The following LRMDA variants were observed in gnomAD, a reference collection of about 807,000 sequenced individuals.
LRMDA encodes leucine-rich melanocyte differentiation-associated protein.
In LRMDA, 18 loss-of-function variants were observed where a neutral mutation model predicts 29.8. The observed-to-expected ratio is 0.60, with a 90% confidence interval of 0.42 to 0.90. The LOEUF (loss-of-function observed/expected upper bound fraction) is 0.90, where lower values mean the gene tolerates loss of function less well. Ranked by LOEUF, LRMDA falls within the 40% of genes least tolerant of loss-of-function variation. LRMDA has a pLI of 0.00. For synonymous variants in LRMDA, 125 were observed against 109.4 expected (o/e 1.14, Z -0.89); for missense variants, 273 against 273.9 (o/e 1.00, Z 0.02).
chr10:75,497,460 TA>T (rs1364723265), intron 2 of LRMDA, among the ~76,000 whole-genome samples: 1 of 151,904 alleles, frequency 6.6e-6, no homozygotes, highest in Non-Finnish European at 1.5e-5. Context: ...TAGAGTTCGA[TA>T]TTTTTTTTTT....
chr10:75,885,101 G>A (rs1204333070), intron 2 of LRMDA, among the ~76,000 whole-genome samples: 1 of 151,862 alleles, frequency 6.6e-6, no homozygotes, highest in African/African-American at 2.4e-5. Flanking sequence ...GGGGATGACA[G>A]TAGTTCGGGA....
At chr10:76,332,193 C>T (rs1024149669) in intron 6 of LRMDA, among the ~76,000 whole-genome samples, 19 of 152,154 alleles carry the variant, frequency 1.2e-4, no homozygotes, top group African/African-American at 3.6e-4. Flanking sequence ...TGTGTGCACT[C>T]GCTGTCTGCG....
chr10:76,205,513 G>T (rs1199037285), intron 5 of LRMDA, among the ~76,000 whole-genome samples: 1 of 152,142 alleles, frequency 6.6e-6, no homozygotes, highest in African/African-American at 2.4e-5. Flanking sequence ...TCTACCTTGA[G>T]GCTCAGCTAC....
chr10:76,085,171 A>G (rs1041088745), intron 5 of LRMDA, among the ~76,000 whole-genome samples: 1 of 152,198 alleles, frequency 6.6e-6, no homozygotes, highest in Non-Finnish European at 1.5e-5. Context: ...AACCCCACCA[A>G]TGACAGAGAC....
intron 5 of LRMDA, among the ~76,000 whole-genome samples, chr10:76,213,823 C>CT (rs1307544386): frequency 1.3e-5 from 2 of 152,210 alleles, no homozygotes; most frequent in African/African-American, 2.4e-5. Flanking sequence ...ATCATTGGAG[C>CT]TTCCCCTAGC....
chr10:76,292,880 G>A (rs1408776575), intron 5 of LRMDA, among the ~76,000 whole-genome samples: 1 of 152,162 alleles, frequency 6.6e-6, no homozygotes, highest in African/African-American at 2.4e-5. Context: ...CTCCATCTGT[G>A]AACAAAAGGC....
chr10:76,173,874 A>T (rs994506318), intron 5 of LRMDA, among the ~76,000 whole-genome samples: 3 of 152,100 alleles, frequency 2.0e-5, no homozygotes, highest in African/African-American at 7.2e-5. Context: ...GTTAGCTAGG[A>T]TGGTCTCAAT....
intron 2 of LRMDA, among the ~76,000 whole-genome samples, chr10:75,640,140 C>T (rs913974035): frequency 7.2e-5 from 11 of 152,090 alleles, no homozygotes; most frequent in African/African-American, 2.2e-4. Flanking sequence ...AGTGAGCAGG[C>T]GGGAGAGAAA....
At chr10:75,449,239 T>C (rs868742574) in intron 2 of LRMDA, among the ~76,000 whole-genome samples, 1 of 151,906 alleles carries the variant, frequency 6.6e-6, no homozygotes, top group African/African-American at 2.4e-5. Flanking sequence ...GGCAGAACAC[T>C]TACATATGTT....
chr10:75,444,504 T>C (rs1844367133), intron 2 of LRMDA, among the ~76,000 whole-genome samples: 1 of 152,176 alleles, frequency 6.6e-6, no homozygotes, highest in Admixed American at 6.5e-5. Flanking sequence ...GTGAACTGGA[T>C]TGAGTTCTCT....
intron 2 of LRMDA, among the ~76,000 whole-genome samples, chr10:75,577,272 G>A (rs1351229808): frequency 1.3e-5 from 2 of 152,106 alleles, no homozygotes; most frequent in Non-Finnish European, 2.9e-5. Flanking sequence ...AATCAATCAA[G>A]TGGAAGAAAG....
At chr10:75,533,767 T>A (rs558493754) in intron 2 of LRMDA, among the ~76,000 whole-genome samples, 87 of 152,210 alleles carry the variant, frequency 5.7e-4, no homozygotes, top group Middle Eastern at 3.4e-3. Flanking sequence ...TTGGGCCCAC[T>A]CAGAGGATGA....
intron 2 of LRMDA, among the ~76,000 whole-genome samples, chr10:75,738,572 A>G (rs1463316163): frequency 1.3e-5 from 2 of 152,208 alleles, no homozygotes; most frequent in Non-Finnish European, 2.9e-5. Context: ...TAAATAATCA[A>G]TGACCAAAAC....
At chr10:76,130,561 G>A (rs1177373102) in intron 5 of LRMDA, among the ~76,000 whole-genome samples, 3 of 152,306 alleles carry the variant, frequency 2.0e-5, no homozygotes, top group Non-Finnish European at 4.4e-5. Context: ...GTTTTGGCTT[G>A]TGTGAGAAGG....
chr10:75,746,666 C>A (rs1222797234), intron 2 of LRMDA, among the ~76,000 whole-genome samples: 2 of 152,116 alleles, frequency 1.3e-5, no homozygotes, highest in Admixed American at 1.3e-4. Context: ...TCATAAAAAT[C>A]ATTTTTCAAA....
chr10:75,951,119 C>T (rs538218898), intron 2 of LRMDA, among the ~76,000 whole-genome samples: 66 of 152,326 alleles, frequency 4.3e-4, no homozygotes, highest in South Asian at 1.9e-3. Flanking sequence ...ACTGTCCTGC[C>T]ATCCCTGGTT....
intron 2 of LRMDA, among the ~76,000 whole-genome samples, chr10:75,798,360 C>G (rs1843691160): frequency 6.6e-6 from 1 of 151,960 alleles, no homozygotes; most frequent in African/African-American, 2.4e-5. Flanking sequence ...ATAGATAATG[C>G]TTTTGGTGTT....
intron 2 of LRMDA, among the ~76,000 whole-genome samples, chr10:75,713,374 T>TG (rs1331373574): frequency 2.6e-5 from 4 of 152,232 alleles, no homozygotes. Context: ...ATGCAATCGC[T>TG]GATTGCACAA....
intron 2 of LRMDA, among the ~76,000 whole-genome samples, chr10:75,494,082 C>G (rs936376032): frequency 5.3e-5 from 8 of 152,194 alleles, no homozygotes; most frequent in Admixed American, 1.3e-4. Context: ...CATCAATTCT[C>G]TCTCTAAATT....
Sources: allele counts gnomAD v4.1 joint callset (sites outside exome capture counted in the v4.1 genomes callset), GRCh38; gene constraint gnomAD v4.1.1; transcripts MANE v1.5; gene names NCBI Gene and HGNC (gene_info 2026-07-23, HGNC 2026-07-21).